Variants in RASGRF2 observed in about 807,000 individuals in gnomAD.
The protein encoded by RASGRF2 is ras-specific guanine nucleotide-releasing factor 2.
Under a neutral mutation model 151.0 loss-of-function variants are expected in RASGRF2, and 76 were observed. The observed-to-expected ratio is 0.50, with a 90% CI of 0.42 to 0.61. The LOEUF is 0.61. RASGRF2 is among the 20% of genes least tolerant of loss of function. The probability of loss-of-function intolerance (pLI) is 0.00; values close to 1 mark genes in which losing one functional copy is unlikely to be tolerated. For synonymous variants in RASGRF2, 504 were observed against 566.5 expected, an observed-to-expected ratio of 0.89 and a Z score of 1.57; for missense variants, 1,148 against 1,564.6, an observed-to-expected ratio of 0.73 and a Z score of 4.49.
intron 2 of RASGRF2, among the ~76,000 whole-genome samples, chr5:81,059,585 A>G (rs887065693): frequency 3.3e-5 from 5 of 149,338 alleles, no homozygotes; most frequent in Non-Finnish European, 6.0e-5. Context: ...GGTGGCTCAC[A>G]CCTGTAATCC....
chr5:81,221,099 A>G (rs1012075482), intron 26 of RASGRF2, among the ~76,000 whole-genome samples: 4 of 152,202 alleles, frequency 2.6e-5, no homozygotes, highest in African/African-American at 9.7e-5. Context: ...ATCAGGGGTT[A>G]TATTATCAAC....
chr5:81,066,459 T>C (rs980527619), intron 2 of RASGRF2, among the ~76,000 whole-genome samples: 2 of 152,096 alleles, frequency 1.3e-5, no homozygotes, highest in Non-Finnish European at 2.9e-5. Context: ...CCAGTTTAGG[T>C]TAAAAGAAAG....
At chr5:80,984,959 C>T (rs889283990) in intron 1 of RASGRF2, among the ~76,000 whole-genome samples, 2 of 152,124 alleles carry the variant, frequency 1.3e-5, no homozygotes, top group Non-Finnish European at 2.9e-5. Flanking sequence ...CCTGTAATTC[C>T]AGCACTTTGG....
intron 2 of RASGRF2, among the ~76,000 whole-genome samples, chr5:81,046,190 A>G (rs1750830953): frequency 1.3e-5 from 2 of 152,066 alleles, no homozygotes; most frequent in South Asian, 4.1e-4. Context: ...CCCTTCTCTC[A>G]TTTACTTTTG....
chr5:81,046,915 C>T (rs766777161), intron 2 of RASGRF2, among the ~76,000 whole-genome samples: 2 of 152,132 alleles, frequency 1.3e-5, no homozygotes, highest in Non-Finnish European at 2.9e-5. Flanking sequence ...CAAGGGTCTT[C>T]CCATCCTTGA....
intron 1 of RASGRF2, among the ~76,000 whole-genome samples, chr5:81,031,467 C>A (rs1278572444): frequency 5.3e-5 from 8 of 152,082 alleles, no homozygotes; most frequent in Admixed American, 6.6e-5. Flanking sequence ...CCACAGTGCA[C>A]TCAAACAAGA....
At chr5:81,111,644 T>A (rs973119715) in intron 13 of RASGRF2, among the ~76,000 whole-genome samples, 3 of 151,846 alleles carry the variant, frequency 2.0e-5, no homozygotes, top group Non-Finnish European at 4.4e-5. Context: ...AATTAGGCAC[T>A]CAAATCAGGA....
At chr5:81,154,891 C>G (rs1464371611) in intron 17 of RASGRF2, among the ~76,000 whole-genome samples, 1 of 152,072 alleles carries the variant, frequency 6.6e-6, no homozygotes, top group Non-Finnish European at 1.5e-5. Flanking sequence ...ACTAATTTAC[C>G]TTTTCATCAA....
At chr5:81,200,351 T>C (rs1416520884) in intron 18 of RASGRF2, among the ~76,000 whole-genome samples, 1 of 150,226 alleles carries the variant, frequency 6.7e-6, no homozygotes, top group Non-Finnish European at 1.5e-5. Flanking sequence ...AGCATCAATA[T>C]CGATAGGGAC....
chr5:81,122,915 A>G (rs1429747672), intron 15 of RASGRF2, among the ~76,000 whole-genome samples: 1 of 152,132 alleles, frequency 6.6e-6, no homozygotes, highest in Non-Finnish European at 1.5e-5. Context: ...AAACCCTCCC[A>G]ATGGTTCATT....
chr5:81,118,551 A>G (rs532586201), intron 15 of RASGRF2, among the ~76,000 whole-genome samples: 57 of 152,212 alleles, frequency 3.7e-4, no homozygotes, highest in Non-Finnish European at 6.8e-4. Context: ...AATGAATAAC[A>G]CCTGGCTCTC....
At chr5:80,991,767 T>G (rs557155555) in intron 1 of RASGRF2, among the ~76,000 whole-genome samples, 2 of 152,354 alleles carry the variant, frequency 1.3e-5, no homozygotes, top group Admixed American at 1.3e-4. Flanking sequence ...TTAAGTTATG[T>G]AGCCATGTTC....
Position 81,094,881 on chromosome 5 carries a change from G to T in RASGRF2, c.1644G>T (p.Gly548=). The change falls in exon 12 of 27, where the codon GGG becomes GGT. Residue 548 remains glycine (G), a synonymous_variant. Transcript: ENST00000265080. ...CTAAAGGTTCTGGGCAAGTGTTTGG[G>T]CACCTGGATTTTAAAATAGTGGTGG... ...DDSKGSGQVF[G]HLDFKIVVEP... is the part of the protein sequence containing the mutation. The T allele has an allele frequency of 6.2e-7, 1 of 1,603,236 alleles. No homozygotes were observed. Among genetic ancestry groups the T allele is most frequent in the Non-Finnish European group, 8.5e-7 (1 of 1,171,146 alleles).
intron 1 of RASGRF2, among the ~76,000 whole-genome samples, chr5:81,033,028 C>G (rs1102234): frequency 0.17 from 26,046 of 150,726 alleles, 2,369 homozygotes; most frequent in Admixed American, 0.25. Context: ...GCCAAATCAT[C>G]AGTGAACTCC....
intron 26 of RASGRF2, among the ~76,000 whole-genome samples, chr5:81,223,892 GAATAA>G: frequency 6.6e-6 from 1 of 152,064 alleles, no homozygotes; most frequent in Non-Finnish European, 1.5e-5. Context: ...TATATTATTT[GAATAA>G]AATAAAGGAT....
At position 81,096,969 on chromosome 5, in the gene RASGRF2, GTT is replaced by G. The variant is rs56915435; in HGVS notation, c.1755+1986_1755+1987del. On this transcript the variant is annotated intron_variant, in intron 12 of 26. Coordinates refer to ENST00000265080, the MANE Select transcript of RASGRF2 (RefSeq NM_006909.3). ...CTGTTTTTTTTGTTTGTTTGTTTGT[GTT>G]TTTTTTTTGAGATGGAGTCTCGCTC... Among the ~76,000 whole-genome samples, 3 of 150,088 alleles carry G rather than the reference GTT, an allele frequency of 2.0e-5. No individual in the cohort carries two copies. In the East Asian group the frequency reaches 5.9e-4, roughly 29 times the overall value.
At chr5:81,132,253 G>C (rs1052109493) in intron 17 of RASGRF2, among the ~76,000 whole-genome samples, 2 of 152,090 alleles carry the variant, frequency 1.3e-5, no homozygotes, top group African/African-American at 4.8e-5. Context: ...AATGCTTACC[G>C]AATTAATGAA....
chr5:81,178,307 G>A (rs567954554), intron 17 of RASGRF2, among the ~76,000 whole-genome samples: 19 of 152,270 alleles, frequency 1.2e-4, no homozygotes, highest in African/African-American at 4.6e-4. Context: ...CAAAGTTTCA[G>A]GTTTACATAA....
At chr5:81,004,861 A>G (rs927864626) in intron 1 of RASGRF2, among the ~76,000 whole-genome samples, 4 of 152,190 alleles carry the variant, frequency 2.6e-5, no homozygotes, top group African/African-American at 4.8e-5. Context: ...TCTTTCCTCA[A>G]TGTGACGTTA....
Sources: gnomAD v4.1 joint callset for allele counts (sites outside exome capture counted in the v4.1 genomes callset) on GRCh38, gnomAD v4.1.1 for gene constraint, MANE v1.5 for transcripts, NCBI Gene and HGNC (gene_info 2026-07-23, HGNC 2026-07-21) for gene names.